ANKIB1: variants seen among roughly 807,000 people sequenced by gnomAD.
ANKIB1 encodes the protein ankyrin repeat and IBR domain-containing protein 1.
In ANKIB1, 43 loss-of-function variants were observed where a neutral mutation model predicts 122.1. That is an observed-to-expected ratio of 0.35 (90% CI 0.28 to 0.45). ANKIB1 has a LOEUF of 0.45. ANKIB1 is among the 20% of genes least tolerant of loss of function. The pLI is 1.00. For synonymous variants in ANKIB1, 390 were observed against 442.0 expected, an observed-to-expected ratio of 0.88 and a Z score of 1.48; for missense variants, 992 against 1,329.5, an observed-to-expected ratio of 0.75 and a Z score of 3.95.
At position 92,265,965 on chromosome 7, in the gene ANKIB1, G is replaced by T. The variant is rs372618903; in HGVS notation, c.-91+19446G>T. 3.2e-4 allele frequency among the ~76,000 whole-genome samples: 48 copies of T among 152,316 alleles called. 1 individual carries two copies. Among genetic ancestry groups the T allele is most frequent in the African/African-American group, 9.9e-4 (41 of 41,570 alleles). On this transcript the variant is annotated intron_variant, in intron 1 of 19. Transcript: ENST00000265742. ...TCAGTATATGTAAGTTTTTGTAGTA[G>T]TTAAACTCCTAAAACAGAATGAGAT...
At chr7:92,380,734 C>G (rs1055148431) in intron 11 of ANKIB1, among the ~76,000 whole-genome samples, 2 of 152,142 alleles carry the variant, frequency 1.3e-5, no homozygotes, top group African/African-American at 2.4e-5. Flanking sequence ...ACATCCACAC[C>G]AAAACCCCAT....
At chr7:92,260,878 G>T (rs949408360) in intron 1 of ANKIB1, among the ~76,000 whole-genome samples, 7 of 152,122 alleles carry the variant, frequency 4.6e-5, no homozygotes, top group African/African-American at 1.7e-4. Flanking sequence ...ATAAATAGTT[G>T]TTGCAGGAGT....
chr7:92,273,414 TA>T (rs1321485217), intron 1 of ANKIB1, among the ~76,000 whole-genome samples: 6 of 152,308 alleles, frequency 3.9e-5, no homozygotes, highest in Admixed American at 6.5e-5. Flanking sequence ...ACAACATCCA[TA>T]AACAGAAGAA....
intron 2 of ANKIB1, among the ~76,000 whole-genome samples, chr7:92,296,377 C>T (rs1016281659): frequency 6.6e-6 from 1 of 152,134 alleles, no homozygotes; most frequent in Non-Finnish European, 1.5e-5. Flanking sequence ...CCTCGGCCAC[C>T]ATAGCCAGCT....
chr7:92,348,883 A>C (rs183066254), intron 7 of ANKIB1, among the ~76,000 whole-genome samples: 22 of 152,330 alleles, frequency 1.4e-4, no homozygotes, highest in Admixed American at 1.3e-3. Context: ...GAAGATAAAA[A>C]CTGAATTCTT....
At chr7:92,339,927 GTT>G (rs201881988) in intron 5 of ANKIB1, among the ~76,000 whole-genome samples, 2 of 135,984 alleles carry the variant, frequency 1.5e-5, no homozygotes, top group Admixed American at 7.3e-5. Context: ...TGGTTGTAGG[GTT>G]TTTTTTTTTA....
intron 3 of ANKIB1, among the ~76,000 whole-genome samples, chr7:92,312,907 A>G (rs1342612078): frequency 6.6e-6 from 1 of 152,124 alleles, no homozygotes; most frequent in Non-Finnish European, 1.5e-5. Context: ...CTACTTGGGA[A>G]CAGGAATGGA....
intron 3 of ANKIB1, among the ~76,000 whole-genome samples, chr7:92,317,706 C>G (rs995961903): frequency 6.6e-6 from 1 of 152,046 alleles, no homozygotes; most frequent in Admixed American, 6.6e-5. Context: ...TGATATAAGC[C>G]CGTTGTTTTG....
rs965761840 is a variant in ANKIB1 at position 92,282,571 on chromosome 7, C to T, written c.-90-12318C>T. 1.1e-4 allele frequency among the ~76,000 whole-genome samples: 16 copies of T among 152,240 alleles called. 1 individual carries two copies. The highest frequency in any genetic ancestry group is 3.4e-4 in the African/African-American group (14 of 41,534). On this transcript the variant is annotated intron_variant, in intron 1 of 19. Coordinates refer to ENST00000265742, the MANE Select transcript of ANKIB1 (RefSeq NM_019004.2). ...TTTGCATTAAGGACAATACATTATT[C>T]AAAAATTATGAAAGCCAACACTGAA... is the stretch of plus-strand genomic sequence containing the variant.
chr7:92,260,900 G>A (rs982202478), intron 1 of ANKIB1, among the ~76,000 whole-genome samples: 3 of 152,068 alleles, frequency 2.0e-5, no homozygotes, highest in Non-Finnish European at 4.4e-5. Flanking sequence ...TATTATTTTA[G>A]CTGTGAAGAA....
chr7:92,363,067 G>A (rs970942305), intron 10 of ANKIB1, among the ~76,000 whole-genome samples: 1 of 150,550 alleles, frequency 6.6e-6, no homozygotes, highest in Non-Finnish European at 1.5e-5. Flanking sequence ...AAAAAAAAAA[G>A]ACTTAGATAA....
chr7:92,310,507 A>G (rs1802671352), intron 3 of ANKIB1, among the ~76,000 whole-genome samples: 1 of 152,178 alleles, frequency 6.6e-6, no homozygotes, highest in Admixed American at 6.5e-5. Flanking sequence ...AGAGTTTCTC[A>G]GGGAAGCATA....
chr7:92,302,332 C>T (rs569664384), intron 2 of ANKIB1, among the ~76,000 whole-genome samples: 2 of 152,282 alleles, frequency 1.3e-5, no homozygotes, highest in South Asian at 2.1e-4. Context: ...GGAATAAGAC[C>T]TTGATTTTTT....
At chr7:92,349,113 T>C (rs576527330) in intron 7 of ANKIB1, among the ~76,000 whole-genome samples, 98 of 152,308 alleles carry the variant, frequency 6.4e-4, no homozygotes, top group African/African-American at 2.2e-3. Flanking sequence ...AGCATGTTTA[T>C]TGTGCCCAAG....
intron 11 of ANKIB1, among the ~76,000 whole-genome samples, chr7:92,378,461 C>A (rs1299967072): frequency 7.0e-6 from 1 of 143,690 alleles, no homozygotes; most frequent in Non-Finnish European, 1.5e-5. Flanking sequence ...TTTTCTATAG[C>A]TGCTGAAAAG....
intron 5 of ANKIB1, 29 bp downstream of exon 5, chr7:92,327,929 A>G (rs1429508435): frequency 2.1e-6 from 3 of 1,420,470 alleles, no homozygotes; most frequent in Non-Finnish European, 2.9e-6. Context: ...TATGCTTCTA[A>G]GAACATGAGT....
intron 8 of ANKIB1, 107 bp from the exon 9 acceptor site, chr7:92,352,367 ACT>A: frequency 6.9e-6 from 8 of 1,158,230 alleles, no homozygotes; most frequent in Non-Finnish European, 9.6e-6. Flanking sequence ...ATTTTATTTC[ACT>A]CTTTTTCTTT....
intron 9 of ANKIB1, among the ~76,000 whole-genome samples, chr7:92,354,152 TG>T (rs1193091953): frequency 6.6e-6 from 1 of 152,202 alleles, no homozygotes; most frequent in Non-Finnish European, 1.5e-5. Flanking sequence ...ATAATAAGTT[TG>T]GTTTGACTGA....
chr7:92,400,758 C>G lies in ANKIB1; in HGVS notation c.*1809C>G, dbSNP rs1804995898. The G allele has an allele frequency of 6.6e-6, 1 of 152,116 alleles. No individual in the cohort carries two copies. Among genetic ancestry groups the G allele is most frequent in the Non-Finnish European group, 1.5e-5 (1 of 68,028 alleles). The allele number at this position is 152,116 out of a possible 1,614,324, so 9.4% of individuals were successfully genotyped here. A position where few individuals can be genotyped will look rare whatever the true frequency, so the allele number is the denominator to read the frequency against. On this transcript the variant is annotated 3_prime_UTR_variant, in exon 20 of 20. Transcript: ENST00000265742. ...CATTAGTTTTTATTTCTCCAGTGAT[C>G]AGAAACATTGATATCAATCCCTATT...
Sources: gnomAD v4.1 joint callset for allele counts (sites outside exome capture counted in the v4.1 genomes callset) on GRCh38, gnomAD v4.1.1 for gene constraint, MANE v1.5 for transcripts, NCBI Gene and HGNC (gene_info 2026-07-23, HGNC 2026-07-21) for gene names.